TSNARE1: variants seen among roughly 807,000 people sequenced by gnomAD.
TSNARE1 encodes t-SNARE domain-containing protein 1.
TSNARE1 carries 49 observed loss-of-function variants against 62.0 expected under a neutral mutation model. The observed-to-expected ratio is 0.79, with a 90% CI of 0.63 to 1.00. The LOEUF (loss-of-function observed/expected upper bound fraction) is 1.00. Ranked by LOEUF, TSNARE1 falls within the 50% of genes least tolerant of loss-of-function variation. The pLI is 0.00. For synonymous variants in TSNARE1, 328 were observed against 294.4 expected (o/e 1.11, Z -1.17); for missense variants, 755 against 700.1 (o/e 1.08, Z -0.88).
At chr8:142,323,652 C>T (rs1563913588) in intron 6 of TSNARE1, among the ~76,000 whole-genome samples, 1 of 152,224 alleles carries the variant, frequency 6.6e-6, no homozygotes, top group Non-Finnish European at 1.5e-5. Context: ...AACAGAGCAA[C>T]CCAGGACCAG....
intron 1 of TSNARE1, among the ~76,000 whole-genome samples, chr8:142,399,658 T>G (rs1838145757): frequency 2.0e-5 from 3 of 152,220 alleles, no homozygotes; most frequent in South Asian, 4.2e-4. Context: ...AGTCTTTTGG[T>G]CACCACTGCT....
chr8:142,241,231 C>T (rs187571598), intron 12 of TSNARE1, among the ~76,000 whole-genome samples: 110 of 152,228 alleles, frequency 7.2e-4, no homozygotes, highest in African/African-American at 2.5e-3. Context: ...TAACAATGAA[C>T]TATCCACAAA....
intron 6 of TSNARE1, chr8:142,325,997 A>G: frequency 6.4e-6 from 1 of 156,748 alleles, no homozygotes; most frequent in Non-Finnish European, 1.4e-5. Flanking sequence ...GAGACAGATG[A>G]GGAACCAGCA....
chr8:142,331,864 G>A, intron 4 of TSNARE1, 33 bp from the exon 5 acceptor site: 3 of 1,582,334 alleles, frequency 1.9e-6, no homozygotes, highest in Non-Finnish European at 1.7e-6. Flanking sequence ...AAAGAACACA[G>A]GCTAAGGGTG....
chr8:142,368,538 G>C (rs984897105), intron 1 of TSNARE1, among the ~76,000 whole-genome samples: 4 of 152,176 alleles, frequency 2.6e-5, no homozygotes, highest in Non-Finnish European at 5.9e-5. Context: ...AGTCCCAGGA[G>C]AGAAGATGGG....
At chr8:142,255,390 C>T (rs1234248450) in intron 12 of TSNARE1, among the ~76,000 whole-genome samples, 1 of 148,524 alleles carries the variant, frequency 6.7e-6, no homozygotes, top group East Asian at 2.0e-4. Flanking sequence ...CTGTTACCAC[C>T]ACCATTACCA....
At position 142,338,838 on chromosome 8, in the gene TSNARE1, G is replaced by A. The variant is rs372608032; in HGVS notation, c.745+5128C>T. 6.6e-5 allele frequency among the ~76,000 whole-genome samples: 10 copies of A among 152,304 alleles called. No homozygotes were observed. In the South Asian group the frequency reaches 8.3e-4, roughly 13 times the overall value. ...TGCAGACAGGGCATGGTGTGTGCCC[G>A]AGTCCATATGCAGTGGCCCCAGGGA... On this transcript the variant is annotated intron_variant, in intron 4 of 13. Transcript: ENST00000524325.
chr8:142,290,340 G>A (rs1823548668), intron 10 of TSNARE1, among the ~76,000 whole-genome samples: 1 of 152,200 alleles, frequency 6.6e-6, no homozygotes, highest in Non-Finnish European at 1.5e-5. Context: ...GCGGGAGAGC[G>A]GGGAAGACCC....
At chr8:142,273,757 C>T in intron 12 of TSNARE1, 3 of 985,432 alleles carry the variant, frequency 3.0e-6, no homozygotes, top group Middle Eastern at 5.2e-4. Context: ...CTGGCCTTTC[C>T]CTCATTCTCC....
chr8:142,305,316 G>A (rs1354221474), intron 9 of TSNARE1, among the ~76,000 whole-genome samples: 1 of 152,066 alleles, frequency 6.6e-6, no homozygotes, highest in Non-Finnish European at 1.5e-5. Context: ...ATGTGGAGAA[G>A]GGGAAGCTCA....
At chr8:142,276,416 C>T in intron 11 of TSNARE1, 8 of 985,476 alleles carry the variant, frequency 8.1e-6, no homozygotes, top group Non-Finnish European at 8.4e-6. Flanking sequence ...AGGGAGGAGG[C>T]GCTAGCCTGG....
chr8:142,304,686 G>A (rs577835307), intron 9 of TSNARE1, among the ~76,000 whole-genome samples: 178 of 152,314 alleles, frequency 1.2e-3, no homozygotes, highest in African/African-American at 4.1e-3. Context: ...TCCTAGTGTC[G>A]CCTGGAGAGC....
intron 6 of TSNARE1, among the ~76,000 whole-genome samples, chr8:142,322,698 G>C (rs1829641739): frequency 6.6e-6 from 1 of 151,728 alleles, no homozygotes; most frequent in Non-Finnish European, 1.5e-5. Context: ...CATTGTTATG[G>C]AAGTCCAGCT....
intron 12 of TSNARE1, among the ~76,000 whole-genome samples, chr8:142,266,334 T>C (rs1819130360): frequency 6.6e-6 from 1 of 152,238 alleles, no homozygotes; most frequent in Non-Finnish European, 1.5e-5. Context: ...CTATTCTTCT[T>C]GCATTACACA....
intron 12 of TSNARE1, among the ~76,000 whole-genome samples, chr8:142,247,285 C>G (rs543763461): frequency 5.0e-4 from 76 of 152,318 alleles, no homozygotes; most frequent in African/African-American, 1.7e-3. Context: ...GCCCGAGGCT[C>G]GGGGTCCAGC....
intron 4 of TSNARE1, among the ~76,000 whole-genome samples, chr8:142,336,338 A>G (rs1831759599): frequency 6.6e-6 from 1 of 151,686 alleles, no homozygotes; most frequent in African/African-American, 2.4e-5. Flanking sequence ...ATATACAAGA[A>G]GCCCACTTCA....
At chr8:142,256,328 T>TGG (rs1818556112) in intron 12 of TSNARE1, among the ~76,000 whole-genome samples, 1 of 12,416 alleles carries the variant, frequency 8.1e-5, no homozygotes, top group Non-Finnish European at 1.8e-4. Context: ...ACCATCACCA[T>TGG]CTTTGCCACC....
intron 2 of TSNARE1, among the ~76,000 whole-genome samples, chr8:142,352,042 A>G (rs1410073540): frequency 1.3e-5 from 2 of 152,404 alleles, no homozygotes; most frequent in East Asian, 3.9e-4. Flanking sequence ...CGAGTCCCGA[A>G]GGGAATGATG....
chr8:142,318,979 C>G (rs6981645), intron 6 of TSNARE1, among the ~76,000 whole-genome samples: 1 of 148,890 alleles, frequency 6.7e-6, no homozygotes, highest in Non-Finnish European at 1.5e-5. Flanking sequence ...ACGGGGGAGA[C>G]GGGCAGACAC....
Sources: gnomAD v4.1 joint callset for allele counts (sites outside exome capture counted in the v4.1 genomes callset) on GRCh38, gnomAD v4.1.1 for gene constraint, MANE v1.5 for transcripts, NCBI Gene and HGNC (gene_info 2026-07-23, HGNC 2026-07-21) for gene names.